SPAG1: variants seen among roughly 807,000 people sequenced by gnomAD.
SPAG1 encodes sperm-associated antigen 1.
Under a neutral mutation model 100.5 loss-of-function variants are expected in SPAG1, and 69 were observed. The ratio of observed to expected loss-of-function variants is 0.69; its 90% CI spans 0.57 to 0.84. The LOEUF (loss-of-function observed/expected upper bound fraction) is 0.84. SPAG1 is among the 40% of genes least tolerant of loss of function. The pLI, the probability that SPAG1 is intolerant of heterozygous loss-of-function variation, is 0.00. For missense variants in SPAG1, 955 were observed against 1,133.1 expected, an observed-to-expected ratio of 0.84 and a Z score of 2.26; for synonymous variants, 336 against 411.6, an observed-to-expected ratio of 0.82 and a Z score of 2.22.
intron 8 of SPAG1, among the ~76,000 whole-genome samples, chr8:100,188,134 C>T (rs893294191): frequency 4.6e-5 from 7 of 151,900 alleles, no homozygotes; most frequent in African/African-American, 1.7e-4. Flanking sequence ...GGATTACAGG[C>T]GTGAGCTACT....
At chr8:100,182,707 G>A (rs1258546919) in intron 4 of SPAG1, among the ~76,000 whole-genome samples, 62 of 152,082 alleles carry the variant, frequency 4.1e-4, no homozygotes, top group Non-Finnish European at 1.6e-4. Flanking sequence ...AATTATTCTT[G>A]TTTCTCCAAT....
At chr8:100,231,383 CAA>C in intron 15 of SPAG1, 95 bp downstream of exon 15, 1 of 876,426 alleles carries the variant, frequency 1.1e-6, no homozygotes, top group Non-Finnish European at 1.7e-6. Context: ...AAGTAATTGC[CAA>C]AGTTTTTTGT....
chr8:100,240,143 TACA>T (rs1819190739), intron 17 of SPAG1, among the ~76,000 whole-genome samples: 1 of 152,242 alleles, frequency 6.6e-6, no homozygotes, highest in South Asian at 2.1e-4. Flanking sequence ...TAGGCATTTA[TACA>T]ACAATTGTAT....
chr8:100,230,987 C>T (rs981008636), intron 14 of SPAG1, among the ~76,000 whole-genome samples, 169 bp from the exon 15 acceptor site: 3 of 152,016 alleles, frequency 2.0e-5, no homozygotes, highest in Admixed American at 6.5e-5. Flanking sequence ...TACTTATAGC[C>T]TATTTGTCAT....
chr8:100,189,829 T>C (rs55684749), intron 8 of SPAG1, among the ~76,000 whole-genome samples: 25,488 of 152,188 alleles, frequency 0.17, 2,454 homozygotes, highest in South Asian at 0.23. Context: ...AGAAATTCCC[T>C]TCAGAAATCT....
upstream of SPAG1, chr8:100,158,438 A>T (rs949605844): frequency 3.9e-5 from 6 of 152,268 alleles, no homozygotes; most frequent in African/African-American, 1.2e-4. Flanking sequence ...GGGGCTCCCC[A>T]GTCCCGGCAG....
intron 10 of SPAG1, among the ~76,000 whole-genome samples, chr8:100,201,747 C>A (rs773097772): frequency 6.6e-6 from 1 of 152,082 alleles, no homozygotes; most frequent in Non-Finnish European, 1.5e-5. Context: ...AGACCCTCCC[C>A]AGAGAGGGTC....
At position 100,213,294 on chromosome 8, in the gene SPAG1, G is replaced by A. The variant is rs1817816944; in HGVS notation, c.1301G>A (p.Gly434Glu). 3.3e-6 allele frequency: 4 copies of A among 1,226,880 alleles called. No individual in the cohort carries two copies. The African/African-American group carries it at 4.7e-5, about 15-fold the overall frequency. 76.0% of individuals were successfully genotyped at this position (1,226,880 alleles called of 1,614,324 possible). ...GCGGCGGCGGGCGGCGGCGCCACCGGGCATCCGGGCGGCGGGCAGGGCGCG... is the reference window on the plus strand; with the variant it reads ...GCGGCGGCGGGCGGCGGCGCCACCGAGCATCCGGGCGGCGGGCAGGGCGCG... ...AAAAAGGGAT[G>E]HPGGGQGAEN... Residue 434 changes from glycine (G) to glutamate (E), a missense_variant, in exon 11 of 19, where the codon GGG becomes GAG. By Grantham distance (98) the Gly-to-Glu change is moderately conservative. Transcript: ENST00000388798.
In SPAG1 at chr8:100,228,904, G is replaced by T. The variant is rs545681794; in HGVS notation, c.1856-2252G>T. On this transcript the variant is annotated intron_variant, in intron 14 of 18. Transcript: ENST00000388798. ...TTTGTGTATGTTTGAAAACTTGGTT[G>T]TAAGTAACAGAAAATCTGTTGACTT... is the stretch of plus-strand genomic sequence containing the variant. 2.0e-5 allele frequency among the ~76,000 whole-genome samples: 3 copies of T among 152,212 alleles called. No homozygotes were observed. In the South Asian group the frequency reaches 6.2e-4, roughly 32 times the overall value.
intron 3 of SPAG1, among the ~76,000 whole-genome samples, chr8:100,167,294 C>T (rs1237545737): frequency 6.6e-6 from 1 of 152,134 alleles, no homozygotes; most frequent in Non-Finnish European, 1.5e-5. Flanking sequence ...GCATACTTTC[C>T]AAGACCCCCA....
intron 15 of SPAG1, among the ~76,000 whole-genome samples, chr8:100,231,756 G>A (rs1818777611): frequency 1.3e-5 from 2 of 152,110 alleles, no homozygotes; most frequent in Admixed American, 1.3e-4. Context: ...TCAGGAGATC[G>A]AGACCATCCT....
rs1819140984 is a variant in SPAG1 at position 100,239,168 on chromosome 8, C to G, written c.2116-72C>G. On this transcript the variant is annotated intron_variant, in intron 16 of 18. Coordinates refer to ENST00000388798, the MANE Select transcript of SPAG1 (RefSeq NM_003114.5). This position sits in a 1 kb window ranked among gnomAD's most constrained non-coding sequence, Gnocchi z 5.0. ...ATACTGCACAGCTCACTACATCCAC[C>G]CCACTCCCACTCAGGTTACTCTAGG... 1.1e-6 allele frequency: 1 copy of G among 916,850 alleles called. No homozygotes were observed. The highest frequency in any genetic ancestry group is 1.7e-5 in the African/African-American group (1 of 58,878). The allele number at this position is 916,850 out of a possible 1,614,324, so 56.8% of individuals were successfully genotyped here.
At chr8:100,238,683 G>A (rs1351771132) in intron 16 of SPAG1, among the ~76,000 whole-genome samples, 3 of 152,178 alleles carry the variant, frequency 2.0e-5, no homozygotes, top group Admixed American at 1.3e-4. Context: ...CCAATTCGAA[G>A]AGTAAACAAC....
intron 16 of SPAG1, among the ~76,000 whole-genome samples, chr8:100,234,286 G>A (rs1379838724): frequency 6.6e-6 from 1 of 152,000 alleles, no homozygotes; most frequent in Non-Finnish European, 1.5e-5. Context: ...TTGACTTTTG[G>A]TATGTGCATA....
chr8:100,170,188 A>C (rs1475668495), intron 3 of SPAG1, among the ~76,000 whole-genome samples: 1 of 152,102 alleles, frequency 6.6e-6, no homozygotes, highest in Non-Finnish European at 1.5e-5. Flanking sequence ...ATATTTCTTC[A>C]TTCATTTAAG....
In SPAG1 at chr8:100,200,487, G is replaced by A. The variant is rs529528770; in HGVS notation, c.1096+6219G>A. Among the ~76,000 whole-genome samples, 4 of 152,302 alleles carry A rather than the reference G, an allele frequency of 2.6e-5. No individual in the cohort carries two copies. The South Asian group carries it at 6.2e-4, about 24-fold the overall frequency. On this transcript the variant is annotated intron_variant, in intron 10 of 18. Coordinates refer to ENST00000388798, the MANE Select transcript of SPAG1 (RefSeq NM_003114.5). Reference sequence around the variant, plus strand: ...AGTAATGGGATGGCTGGGTCAAATGGTATTTCTAGTTCTAGATCCTTGAGG... The same window carrying A: ...AGTAATGGGATGGCTGGGTCAAATGATATTTCTAGTTCTAGATCCTTGAGG...
chr8:100,200,787 T>G (rs1314849183), intron 10 of SPAG1, among the ~76,000 whole-genome samples: 3 of 133,844 alleles, frequency 2.2e-5, no homozygotes, highest in African/African-American at 5.1e-5. Flanking sequence ...CACTTTTTGA[T>G]GGGGTTGTTT....
intron 12 of SPAG1, among the ~76,000 whole-genome samples, chr8:100,217,203 A>G (rs1818036642): frequency 6.6e-6 from 1 of 152,074 alleles, no homozygotes; most frequent in Non-Finnish European, 1.5e-5. Flanking sequence ...GGCCTCCCAA[A>G]GTGCTGGGAT....
chr8:100,199,809 A>G (rs916633546), intron 10 of SPAG1, among the ~76,000 whole-genome samples: 2 of 151,954 alleles, frequency 1.3e-5, no homozygotes, highest in East Asian at 3.8e-4. Context: ...CATTTTTTAT[A>G]TATTCTAGAT....
Sources: gnomAD v4.1 joint callset for allele counts (sites outside exome capture counted in the v4.1 genomes callset) on GRCh38, gnomAD v4.1.1 for gene constraint, Gnocchi (gnomAD v3.1) non-coding constraint, MANE v1.5 for transcripts, NCBI Gene and HGNC (gene_info 2026-07-23, HGNC 2026-07-21) for gene names.